The following SCAF11 variants were observed in gnomAD, a reference collection of about 807,000 sequenced individuals.
SCAF11 encodes protein SCAF11.
In SCAF11, 47 loss-of-function variants were observed where a neutral mutation model predicts 140.5. The observed-to-expected ratio is 0.33, with a 90% CI of 0.26 to 0.43. The LOEUF (loss-of-function observed/expected upper bound fraction) is 0.43, where lower values mean the gene tolerates loss of function less well. SCAF11 is among the 20% of genes least tolerant of loss of function. SCAF11 has a pLI of 1.00. For synonymous variants in SCAF11, 557 were observed against 579.4 expected, an observed-to-expected ratio of 0.96 and a Z score of 0.55; for missense variants, 1,645 against 1,705.1, an observed-to-expected ratio of 0.96 and a Z score of 0.62.
intron 3 of SCAF11, chr12:45,955,723 C>T: frequency 6.5e-6 from 1 of 154,492 alleles, no homozygotes; most frequent in Admixed American, 6.4e-5. Flanking sequence ...AATTATTTAC[C>T]ATTTTGATTC....
chr12:45,968,080 T>C (rs1440780813), intron 1 of SCAF11, among the ~76,000 whole-genome samples: 1 of 152,352 alleles, frequency 6.6e-6, no homozygotes, highest in African/African-American at 2.4e-5. Flanking sequence ...GTTAGATATA[T>C]CTCAATTTTG....
intron 6 of SCAF11, among the ~76,000 whole-genome samples, chr12:45,938,348 G>T (rs975272487): frequency 2.6e-5 from 4 of 152,086 alleles, no homozygotes; most frequent in African/African-American, 4.8e-5. Flanking sequence ...AATTAGCCGG[G>T]CATGATGGCG....
At chr12:45,938,686 G>A (rs1368261008) in intron 6 of SCAF11, among the ~76,000 whole-genome samples, 2 of 151,604 alleles carry the variant, frequency 1.3e-5, no homozygotes, top group Non-Finnish European at 2.9e-5. Context: ...AATCCGAAAG[G>A]ATGTTTCATG....
In SCAF11 at chr12:45,927,191, T is replaced by C. The variant is rs1944896664; in HGVS notation, c.2510A>G (p.Asn837Ser). ...SRKSQSPSPK[N>S]ESARGRKKSR... is the part of the protein sequence containing the mutation. ...TTTTTTCCGGCCTCTGGCTGACTCA[T>C]TCTTAGGAGATGGTGATTGAGACTT... Residue 837 changes from asparagine (N) to serine (S), a missense_variant, in exon 11 of 15, where the codon AAT becomes AGT. Around this residue, in one of 2 missense-constraint regions of SCAF11, gnomAD observed 1,582 missense variants for 1,609.2 expected, o/e 0.98. Coordinates refer to ENST00000369367, the MANE Select transcript of SCAF11 (RefSeq NM_004719.3). 2.5e-6 allele frequency: 4 copies of C among 1,614,142 alleles called. No homozygotes were observed. Among genetic ancestry groups the C allele is most frequent in the African/African-American group, 2.7e-5 (2 of 75,052 alleles).
chr12:45,964,337 T>C (rs1329165812), intron 1 of SCAF11, 149 bp from the exon 2 acceptor site: 2 of 548,060 alleles, frequency 3.6e-6, no homozygotes, highest in East Asian at 3.1e-5. Flanking sequence ...AGTACTCTTT[T>C]ATACTCCTTG....
intron 1 of SCAF11, among the ~76,000 whole-genome samples, chr12:45,988,005 G>C (rs1946499087): frequency 6.6e-6 from 1 of 152,158 alleles, no homozygotes; most frequent in Non-Finnish European, 1.5e-5. Flanking sequence ...TGAGTTTTGG[G>C]AATAGCAAGA....
intron 3 of SCAF11, chr12:45,953,872 G>T: frequency 9.7e-7 from 1 of 1,027,506 alleles, no homozygotes; most frequent in Non-Finnish European, 1.3e-6. Flanking sequence ...AAGAAAGTGT[G>T]GCATATACTA....
chr12:45,969,974 G>A (rs951866732), intron 1 of SCAF11, among the ~76,000 whole-genome samples: 3 of 151,850 alleles, frequency 2.0e-5, no homozygotes, highest in Non-Finnish European at 4.4e-5. Flanking sequence ...TCAGCTCACC[G>A]CAACCTCCGC....
chr12:45,934,331 G>A (rs1483789298), intron 7 of SCAF11, 46 bp from the exon 8 acceptor site: 1 of 1,393,920 alleles, frequency 7.2e-7, no homozygotes, highest in Non-Finnish European at 1.0e-6. Flanking sequence ...TAAATAACAG[G>A]TAAATAATAG....
chr12:45,941,253 G>A (rs868856716), intron 6 of SCAF11, among the ~76,000 whole-genome samples: 1 of 151,966 alleles, frequency 6.6e-6, no homozygotes, highest in Non-Finnish European at 1.5e-5. Flanking sequence ...CTTACTTATC[G>A]AAAAACGAAT....
chr12:45,945,499 T>A (rs1316259475), intron 5 of SCAF11, among the ~76,000 whole-genome samples, 186 bp from the exon 6 acceptor site: 1 of 152,168 alleles, frequency 6.6e-6, no homozygotes, highest in Non-Finnish European at 1.5e-5. Context: ...GAATGTCAAG[T>A]TAGGTTTTAA....
upstream of SCAF11, among the ~76,000 whole-genome samples, chr12:45,990,838 G>A (rs1198287130): frequency 6.6e-6 from 1 of 152,212 alleles, no homozygotes; most frequent in Admixed American, 6.5e-5. Context: ...CGGGAGGAAG[G>A]GCAGCTGCGC....
At chr12:45,947,790 C>A (rs1421603093) in intron 5 of SCAF11, among the ~76,000 whole-genome samples, 2 of 152,158 alleles carry the variant, frequency 1.3e-5, no homozygotes, top group Admixed American at 1.3e-4. Context: ...TATCTCCCTG[C>A]CTCAACTTCC....
chr12:45,931,433 A>G, intron 10 of SCAF11, 73 bp downstream of exon 10: 1 of 739,836 alleles, frequency 1.4e-6, no homozygotes, highest in Non-Finnish European at 2.0e-6. Context: ...GTCATCAAAC[A>G]CACATTTTTA....
intron 1 of SCAF11, among the ~76,000 whole-genome samples, chr12:45,972,622 A>G (rs1483720244): frequency 6.7e-6 from 1 of 150,028 alleles, no homozygotes; most frequent in Non-Finnish European, 1.5e-5. Context: ...AAAAACAAAA[A>G]CAAAAACATC....
chr12:45,934,037 G>A (rs879606155), intron 8 of SCAF11, 139 bp downstream of exon 8: 23 of 519,516 alleles, frequency 4.4e-5, no homozygotes, highest in Non-Finnish European at 6.4e-5. Flanking sequence ...CTTCCCCCCC[G>A]CCCAAAAAAA....
At chr12:45,972,959 G>T (rs12830080) in intron 1 of SCAF11, among the ~76,000 whole-genome samples, 21 of 117,920 alleles carry the variant, frequency 1.8e-4, no homozygotes, top group Admixed American at 6.1e-4. Context: ...TAGATATATA[G>T]ATATATATAT....
At chr12:45,978,502 G>A (rs765055697) in intron 1 of SCAF11, among the ~76,000 whole-genome samples, 1 of 152,146 alleles carries the variant, frequency 6.6e-6, no homozygotes. Context: ...GTGACAAAAA[G>A]CAAAAGAGCA....
intron 1 of SCAF11, among the ~76,000 whole-genome samples, chr12:45,971,985 A>T (rs975665605): frequency 1.3e-5 from 2 of 152,082 alleles, no homozygotes; most frequent in Admixed American, 6.5e-5. Flanking sequence ...TCTAGAAAAT[A>T]CCATGGATAT....
Sources: allele counts gnomAD v4.1 joint callset (sites outside exome capture counted in the v4.1 genomes callset), GRCh38; gene constraint gnomAD v4.1.1; regional missense constraint gnomAD v4.1.1; transcripts MANE v1.5; gene names NCBI Gene and HGNC (gene_info 2026-07-23, HGNC 2026-07-21).